Variants in PTPRQ observed in about 807,000 individuals in gnomAD.
PTPRQ encodes phosphatidylinositol phosphatase PTPRQ.
Under a neutral mutation model 246.0 loss-of-function variants are expected in PTPRQ, and 199 were observed. The ratio of observed to expected loss-of-function variants is 0.81; its 90% CI spans 0.72 to 0.91. PTPRQ has a LOEUF of 0.91. PTPRQ is among the 40% of genes least tolerant of loss of function. The pLI is 0.00. For synonymous variants in PTPRQ, 869 were observed against 853.2 expected, an observed-to-expected ratio of 1.02 and a Z score of -0.32; for missense variants, 2,624 against 2,528.4, an observed-to-expected ratio of 1.04 and a Z score of -0.81.
chr12:80,571,387 C>T (rs994987328), intron 25 of PTPRQ, among the ~76,000 whole-genome samples: 1 of 152,226 alleles, frequency 6.6e-6, no homozygotes, highest in East Asian at 1.9e-4. Context: ...ATCTACCAGC[C>T]TTGGACTCCC....
At chr12:80,460,117 A>G in intron 5 of PTPRQ, among the ~76,000 whole-genome samples, 1 of 152,310 alleles carries the variant, frequency 6.6e-6, no homozygotes, top group Admixed American at 6.5e-5. Context: ...TCTCTGTGTT[A>G]CTATTAATGC....
At chr12:80,534,623 T>C (rs1257774954) in intron 18 of PTPRQ, among the ~76,000 whole-genome samples, 1 of 152,060 alleles carries the variant, frequency 6.6e-6, no homozygotes, top group Non-Finnish European at 1.5e-5. Context: ...ATTGTTCTCA[T>C]ATCCAGAGCA....
intron 7 of PTPRQ, among the ~76,000 whole-genome samples, chr12:80,471,887 A>C (rs1592548808): frequency 6.6e-6 from 1 of 152,202 alleles, no homozygotes; most frequent in African/African-American, 2.4e-5. Context: ...CATTTTAAGC[A>C]CTGGAACATT....
At chr12:80,607,070 A>G (rs1048419602) in intron 27 of PTPRQ, among the ~76,000 whole-genome samples, 1 of 150,776 alleles carries the variant, frequency 6.6e-6, no homozygotes, top group Non-Finnish European at 1.5e-5. Context: ...GAATGGGAAG[A>G]TAACAAATAT....
chr12:80,614,944 T>C (rs774354649), intron 29 of PTPRQ, among the ~76,000 whole-genome samples: 2 of 151,000 alleles, frequency 1.3e-5, no homozygotes, highest in Non-Finnish European at 3.0e-5. Flanking sequence ...AAAATCCTGT[T>C]TGCAGACTGC....
rs145954581 is a variant in PTPRQ, at chr12:80,644,940, C to G, written c.5916-3957C>G. Among the ~76,000 whole-genome samples, 1,401 of 152,126 alleles carry G rather than the reference C, an allele frequency of 9.2e-3. 24 individuals are homozygous for G. Among genetic ancestry groups the G allele is most frequent in the African/African-American group, 0.032 (1,331 of 41,542 alleles). ...AGTCAGGTAATGTACCTCAAAATGT[C>G]TTCTCAATTTGAGCATTCCTAATAG... On this transcript the variant is annotated intron_variant, in intron 35 of 44. Coordinates refer to ENST00000644991, the MANE Select transcript of PTPRQ (RefSeq NM_001145026.2).
At chr12:80,546,410 C>T (rs1057495196) in intron 23 of PTPRQ, 146 bp from the exon 24 acceptor site, 7 of 829,884 alleles carry the variant, frequency 8.4e-6, no homozygotes, top group African/African-American at 1.8e-5. Context: ...AAAATAAATG[C>T]TAATATTTGT....
intron 34 of PTPRQ, 100 bp from the exon 35 acceptor site, chr12:80,634,845 A>C: frequency 6.8e-7 from 1 of 1,460,086 alleles, no homozygotes; most frequent in Non-Finnish European, 9.1e-7. Flanking sequence ...TTAACAAGGA[A>C]ATTATTTGAC....
intron 26 of PTPRQ, among the ~76,000 whole-genome samples, chr12:80,597,585 G>A (rs916730497): frequency 6.6e-6 from 1 of 152,002 alleles, no homozygotes; most frequent in African/African-American, 2.4e-5. Context: ...CTTCACAGAA[G>A]GAGTAATTCA....
intron 35 of PTPRQ, among the ~76,000 whole-genome samples, chr12:80,639,468 G>A (rs900835091): frequency 6.6e-6 from 1 of 151,780 alleles, no homozygotes; most frequent in Admixed American, 6.6e-5. Context: ...GAATGTAATG[G>A]CACATTATTT....
chr12:80,546,857 A>T (rs956369783), intron 24 of PTPRQ, 160 bp downstream of exon 24: 4 of 810,732 alleles, frequency 4.9e-6, no homozygotes, highest in Admixed American at 6.3e-5. Context: ...GTGTGAAATC[A>T]TATGCTGTAT....
chr12:80,488,557 G>T (rs756476599), intron 9 of PTPRQ, among the ~76,000 whole-genome samples: 9 of 151,990 alleles, frequency 5.9e-5, no homozygotes, highest in African/African-American at 1.4e-4. Context: ...TGTTTTAGGG[G>T]TAAACACCAT....
chr12:80,498,132 G>A (rs1041167000), intron 14 of PTPRQ, among the ~76,000 whole-genome samples: 2 of 152,074 alleles, frequency 1.3e-5, no homozygotes, highest in Middle Eastern at 3.4e-3. Flanking sequence ...CCATATATTG[G>A]CATGTTTCAT....
intron 38 of PTPRQ, among the ~76,000 whole-genome samples, chr12:80,656,587 G>A: frequency 6.6e-6 from 1 of 151,872 alleles, no homozygotes; most frequent in East Asian, 1.9e-4. Context: ...AAATTTCTCA[G>A]GAAAAATAGT....
In PTPRQ at chr12:80,484,718, C is replaced by A. The variant is rs537482636; in HGVS notation, c.1359+113C>A. ...TGTAATATTTGACCACTTACTAGTACAAAGTAAAGTAAATTTGGGGCATGT... is the reference window on the plus strand; with the variant it reads ...TGTAATATTTGACCACTTACTAGTAAAAAGTAAAGTAAATTTGGGGCATGT... On this transcript the variant is annotated intron_variant, in intron 9 of 44. Coordinates refer to ENST00000644991, the MANE Select transcript of PTPRQ (RefSeq NM_001145026.2). 3.9e-6 allele frequency: 5 copies of A among 1,278,344 alleles called. No homozygotes were observed. The South Asian group carries it at 4.7e-5, about 12-fold the overall frequency. 79.2% of individuals were successfully genotyped at this position (1,278,344 alleles called of 1,614,324 possible). A position where few individuals can be genotyped will look rare whatever the true frequency, so the allele number is the denominator to read the frequency against.
In PTPRQ at chr12:80,546,604, G is replaced by T. The variant is rs527336566; in HGVS notation, c.3922G>T (p.Val1308Phe). ...TEAKLVGLEP[V>F]STYSIRVSAF... is the part of the protein sequence containing the mutation. ...AGCCAAACTTGTTGGACTGGAACCA[G>T]TCAGCACCTACTCTATCCGTGTATC... Residue 1308 changes from valine to phenylalanine, a missense_variant, in exon 24 of 45, where the codon GTC becomes TTC. By Grantham distance (50) the Val-to-Phe change is conservative. Coordinates refer to ENST00000644991, the MANE Select transcript of PTPRQ (RefSeq NM_001145026.2). The T allele has an allele frequency of 8.4e-6, 13 of 1,550,852 alleles. No homozygotes were observed. The highest frequency in any genetic ancestry group is 1.1e-5 in the Non-Finnish European group (13 of 1,146,720).
intron 17 of PTPRQ, among the ~76,000 whole-genome samples, chr12:80,519,845 A>T (rs1232915191): frequency 6.6e-6 from 1 of 152,128 alleles, no homozygotes; most frequent in Non-Finnish European, 1.5e-5. Context: ...AGTTACTGAA[A>T]TCAGTATCTT....
At chr12:80,556,048 GAC>G (rs2120897310) in intron 25 of PTPRQ, among the ~76,000 whole-genome samples, 1 of 151,676 alleles carries the variant, frequency 6.6e-6, no homozygotes, top group African/African-American at 2.4e-5. Context: ...TTTTTTTTGA[GAC>G]AGAGTCTTGC....
At chr12:80,638,057 C>T (rs1006276577) in intron 35 of PTPRQ, among the ~76,000 whole-genome samples, 1 of 152,006 alleles carries the variant, frequency 6.6e-6, no homozygotes, top group Admixed American at 6.5e-5. Flanking sequence ...CACCTGAGGT[C>T]AGGATTTTGA....
Sources: gnomAD v4.1 joint callset for allele counts (sites outside exome capture counted in the v4.1 genomes callset) on GRCh38, gnomAD v4.1.1 for gene constraint, MANE v1.5 for transcripts, NCBI Gene and HGNC (gene_info 2026-07-23, HGNC 2026-07-21) for gene names.